TCF7L2: variants seen among roughly 807,000 people sequenced by gnomAD.
The protein encoded by TCF7L2 is transcription factor 7 like 2.
A neutral mutation model predicts 77.9 loss-of-function variants in TCF7L2; 23 were observed. That is an observed-to-expected ratio of 0.30 (90% confidence interval 0.21 to 0.42). The LOEUF is 0.42. Ranked by LOEUF, TCF7L2 falls within the 10% of genes least tolerant of loss-of-function variation. TCF7L2 has a pLI of 1.00. For synonymous variants in TCF7L2, 413 were observed against 340.2 expected (o/e 1.21, Z -2.36); for missense variants, 654 against 793.1 (o/e 0.82, Z 2.11).
rs1042650274 is a variant in TCF7L2 at position 112,978,765 on chromosome 10, C to T, written c.450+14141C>T. Among the ~76,000 whole-genome samples, 8 of 151,622 alleles carry T rather than the reference C, an allele frequency of 5.3e-5. No individual in the cohort carries two copies. The East Asian group carries it at 7.7e-4, about 15-fold the overall frequency. On this transcript the variant is annotated intron_variant, in intron 4 of 13. Transcript: ENST00000627217. ...AAGTGCTGGGATTATAGGTGTGAGC[C>T]ACCGCGCCCGGCCAGATTTTGTGAT...
intron 4 of TCF7L2, among the ~76,000 whole-genome samples, chr10:112,972,539 A>G (rs2038498785): frequency 6.6e-6 from 1 of 152,196 alleles, no homozygotes; most frequent in Non-Finnish European, 1.5e-5. Flanking sequence ...GTGTGATCAT[A>G]GCTCACTGCA....
chr10:113,121,557 G>C (rs2064776303), intron 5 of TCF7L2, among the ~76,000 whole-genome samples: 1 of 152,208 alleles, frequency 6.6e-6, no homozygotes, highest in Non-Finnish European at 1.5e-5. Flanking sequence ...AGTAGGTTAA[G>C]TGAGTATCAA....
intron 4 of TCF7L2, among the ~76,000 whole-genome samples, chr10:112,990,708 TAATAAATA>T (rs953126462): frequency 6.6e-6 from 1 of 151,838 alleles, no homozygotes; most frequent in African/African-American, 2.4e-5. Context: ...CCTGTCTCAA[TAATAAATA>T]AATAAATAAA....
At chr10:113,028,733 G>T (rs1048704932) in intron 4 of TCF7L2, among the ~76,000 whole-genome samples, 12 of 152,174 alleles carry the variant, frequency 7.9e-5, no homozygotes, top group African/African-American at 2.7e-4. Context: ...AATACAGAAT[G>T]GGGAGGAGAA....
intron 5 of TCF7L2, among the ~76,000 whole-genome samples, chr10:113,084,910 CAA>C (rs1166429283): frequency 3.7e-5 from 5 of 136,932 alleles, no homozygotes; most frequent in African/African-American, 8.0e-5. Context: ...CACCCCCCCC[CAA>C]AAAAAAAAAA....
intron 5 of TCF7L2, among the ~76,000 whole-genome samples, chr10:113,082,150 G>A (rs867902316): frequency 2.8e-5 from 4 of 141,192 alleles, no homozygotes; most frequent in South Asian, 4.4e-4. Context: ...TTTTTTTTGC[G>A]TGCCTTGGTT....
At chr10:113,157,328 G>A (rs902332813) in intron 11 of TCF7L2, among the ~76,000 whole-genome samples, 2 of 152,160 alleles carry the variant, frequency 1.3e-5, no homozygotes, top group Non-Finnish European at 2.9e-5. Flanking sequence ...ACGTTGGCCA[G>A]GCTGGTCTTG....
intron 5 of TCF7L2, among the ~76,000 whole-genome samples, chr10:113,131,831 T>C (rs2066644360): frequency 6.6e-6 from 1 of 152,228 alleles, no homozygotes. Flanking sequence ...AATCCTGACA[T>C]GCCCTCCAGA....
intron 5 of TCF7L2, among the ~76,000 whole-genome samples, chr10:113,041,075 T>C (rs771245895): frequency 1.3e-5 from 2 of 152,372 alleles, no homozygotes; most frequent in Non-Finnish European, 2.9e-5. Context: ...TAGAAAAATC[T>C]TAAGATGCAT....
At chr10:113,107,222 T>C (rs1009226412) in intron 5 of TCF7L2, among the ~76,000 whole-genome samples, 3 of 152,208 alleles carry the variant, frequency 2.0e-5, no homozygotes, top group Non-Finnish European at 4.4e-5. Context: ...ATGGACTATG[T>C]TTAGTATGAC....
chr10:113,160,786 A>G (rs1300746552), intron 13 of TCF7L2: 14 of 1,186,040 alleles, frequency 1.2e-5, no homozygotes, highest in Middle Eastern at 1.9e-4. Context: ...TTCCCCATCT[A>G]CTTCCCCTCT....
intron 4 of TCF7L2, among the ~76,000 whole-genome samples, 188 bp downstream of exon 4, chr10:112,964,812 TG>T (rs374001468): frequency 0.14 from 5,300 of 38,100 alleles, 595 homozygotes; most frequent in African/African-American, 0.39. Flanking sequence ...GTGGTGGTGG[TG>T]GGGGGGGGTT....
intron 4 of TCF7L2, among the ~76,000 whole-genome samples, chr10:113,014,566 C>T (rs966437603): frequency 1.5e-4 from 23 of 150,960 alleles, no homozygotes; most frequent in African/African-American, 5.6e-4. Flanking sequence ...GCCGAGGGGG[C>T]GCGGATCACC....
chr10:112,964,553 C>T lies in TCF7L2; in HGVS notation c.382-3C>T, dbSNP rs1164867123. On this transcript the variant is annotated splice_region_variant and splice_polypyrimidine_tract_variant and intron_variant, in intron 3 of 13. Transcript: ENST00000627217. ...AACGCTTTGATTTGGTTTCTTTCTA[C>T]AGCTCCATTTTCAGTCCGGCAGCAC... The T allele has an allele frequency of 1.2e-6, 2 of 1,612,948 alleles. No homozygotes were observed.
At chr10:113,036,505 C>T (rs892900226) in intron 4 of TCF7L2, among the ~76,000 whole-genome samples, 1 of 152,056 alleles carries the variant, frequency 6.6e-6, no homozygotes. Flanking sequence ...TCCTTTCAGG[C>T]CATTGGTGTT....
intron 5 of TCF7L2, among the ~76,000 whole-genome samples, chr10:113,069,978 C>A (rs1009978497): frequency 6.6e-6 from 1 of 151,958 alleles, no homozygotes; most frequent in African/African-American, 2.4e-5. Flanking sequence ...AATTATTGGG[C>A]CGGGCATGGT....
At chr10:113,135,974 T>C (rs1031033325) in intron 5 of TCF7L2, among the ~76,000 whole-genome samples, 2 of 151,992 alleles carry the variant, frequency 1.3e-5, no homozygotes, top group East Asian at 3.9e-4. Flanking sequence ...TCTCCCTAGA[T>C]GAACACAGCA....
intron 4 of TCF7L2, among the ~76,000 whole-genome samples, chr10:112,991,513 A>G (rs1408636488): frequency 6.9e-6 from 1 of 144,722 alleles, no homozygotes; most frequent in Non-Finnish European, 1.5e-5. Context: ...ATCTCAAAAA[A>G]AAAAAGAAAG....
intron 4 of TCF7L2, among the ~76,000 whole-genome samples, chr10:113,032,108 T>A (rs986076222): frequency 6.6e-6 from 1 of 152,210 alleles, no homozygotes. Flanking sequence ...ACCATACTTT[T>A]CCTGGGAGTA....
Sources: allele counts gnomAD v4.1 joint callset (sites outside exome capture counted in the v4.1 genomes callset), GRCh38; gene constraint gnomAD v4.1.1; transcripts MANE v1.5; gene names NCBI Gene and HGNC (gene_info 2026-07-23, HGNC 2026-07-21).